SMARCB1: variants seen among roughly 807,000 people sequenced by gnomAD.
The protein encoded by SMARCB1 is SWI/SNF related BAF chromatin remodeling complex subunit B1, also known as SWI/SNF-related matrix-associated actin-dependent regulator of chromatin subfamily B member 1.
In SMARCB1, 5 loss-of-function variants were observed where a neutral mutation model predicts 49.0. The ratio of observed to expected loss-of-function variants is 0.10; its 90% CI spans 0.05 to 0.21. The LOEUF (loss-of-function observed/expected upper bound fraction) is 0.21. Among genes scored for constraint, SMARCB1 ranks in the 10% least tolerant of loss-of-function variants. The pLI is 1.00. For missense variants in SMARCB1, 226 were observed against 509.2 expected (o/e 0.44, Z 5.35); for synonymous variants, 201 against 200.1 (o/e 1.00, Z -0.04).
chr22:23,799,306 A>T (rs1461920029), intron 3 of SMARCB1, among the ~76,000 whole-genome samples: 5 of 144,378 alleles, frequency 3.5e-5, no homozygotes, highest in Non-Finnish European at 6.0e-5. Flanking sequence ...TCGAGATAGG[A>T]TGTTGCTCTC....
At chr22:23,808,431 A>AT (rs1000760221) in intron 5 of SMARCB1, among the ~76,000 whole-genome samples, 5 of 151,798 alleles carry the variant, frequency 3.3e-5, no homozygotes, top group African/African-American at 1.2e-4. Context: ...AATTTTTTGT[A>AT]TTTTTTAGTA....
intron 6 of SMARCB1, chr22:23,818,645 C>T (rs1290258295): frequency 6.6e-6 from 1 of 150,776 alleles, no homozygotes; most frequent in Non-Finnish European, 1.5e-5. Flanking sequence ...AACACTAACT[C>T]CCCATTCCCC....
intron 7 of SMARCB1, among the ~76,000 whole-genome samples, chr22:23,830,723 G>A (rs751459661): frequency 1.5e-5 from 2 of 132,402 alleles, no homozygotes; most frequent in African/African-American, 2.9e-5. Context: ...GTGTAGTGCT[G>A]TGATCTTGGC....
Position 23,837,847 on chromosome 22 carries a change from C to T in SMARCB1, c.*3667C>T. On this transcript the variant is annotated 3_prime_UTR_variant, in exon 9 of 9. Coordinates refer to ENST00000644036, the MANE Select transcript of SMARCB1 (RefSeq NM_003073.5). Reference sequence around the variant, plus strand: ...CAGGAAGAACAGGCTGCCCAGGAGTCCCAGCAGCTGGGCCAGAGTCAAGGT... The same window carrying T: ...CAGGAAGAACAGGCTGCCCAGGAGTTCCAGCAGCTGGGCCAGAGTCAAGGT... 1 of 1,611,462 alleles carries T rather than the reference C, an allele frequency of 6.2e-7. No homozygotes were observed. Among genetic ancestry groups the T allele is most frequent in the South Asian group, 1.1e-5 (1 of 90,968 alleles).
intron 4 of SMARCB1, chr22:23,802,838 C>T: frequency 3.2e-6 from 1 of 310,272 alleles, no homozygotes; most frequent in South Asian, 2.9e-5. Context: ...CACCCGCTAG[C>T]TTTGCAGCAT....
Position 23,827,179 on chromosome 22 carries a change from C to G in SMARCB1, c.986+1764C>G, listed in dbSNP as rs541663365. 3.9e-5 allele frequency among the ~76,000 whole-genome samples: 6 copies of G among 152,290 alleles called. No individual in the cohort carries two copies. The South Asian group carries it at 1.2e-3, about 32-fold the overall frequency. On this transcript the variant is annotated intron_variant, in intron 7 of 8. Transcript: ENST00000644036. ...AGTCAGAACCCTCGTCTTGGGCTCACAGGTGCAGGTGGTAGGCTGGCTGCC... is the reference window on the plus strand; with the variant it reads ...AGTCAGAACCCTCGTCTTGGGCTCAGAGGTGCAGGTGGTAGGCTGGCTGCC...
At chr22:23,796,222 T>C (rs964826297) in intron 3 of SMARCB1, among the ~76,000 whole-genome samples, 1 of 152,210 alleles carries the variant, frequency 6.6e-6, no homozygotes, top group Non-Finnish European at 1.5e-5. Context: ...ACCCACTATA[T>C]GTACAGAGAT....
chr22:23,836,350 G>A lies in SMARCB1; in HGVS notation c.*2170G>A. On this transcript the variant is annotated 3_prime_UTR_variant, in exon 9 of 9. Coordinates refer to ENST00000644036, the MANE Select transcript of SMARCB1 (RefSeq NM_003073.5). ...GGAGAGGCTAGATTGGCATCAGCCTGAAGGCACCACTGGCAGGAACATCTG... is the reference window on the plus strand; with the variant it reads ...GGAGAGGCTAGATTGGCATCAGCCTAAAGGCACCACTGGCAGGAACATCTG... 1 of 985,624 alleles carries A rather than the reference G, an allele frequency of 1.0e-6. No homozygotes were observed. The highest frequency in any genetic ancestry group is 1.2e-6 in the Non-Finnish European group (1 of 830,062). The allele number at this position is 985,624 out of a possible 1,614,324, so 61.1% of individuals were successfully genotyped here.
chr22:23,836,353 G>A lies in SMARCB1; in HGVS notation c.*2173G>A, dbSNP rs971840258. 4.1e-6 allele frequency: 4 copies of A among 985,642 alleles called. No individual in the cohort carries two copies. The highest frequency in any genetic ancestry group is 4.7e-5 in the South Asian group (1 of 21,294). The allele number at this position is 985,642 out of a possible 1,614,324, so 61.1% of individuals were successfully genotyped here. A position where few individuals can be genotyped will look rare whatever the true frequency, so the allele number is the denominator to read the frequency against. ...GAGGCTAGATTGGCATCAGCCTGAA[G>A]GCACCACTGGCAGGAACATCTGTAG... On this transcript the variant is annotated 3_prime_UTR_variant, in exon 9 of 9. Coordinates refer to ENST00000644036, the MANE Select transcript of SMARCB1 (RefSeq NM_003073.5).
At chr22:23,791,534 C>G (rs929306103) in intron 1 of SMARCB1, among the ~76,000 whole-genome samples, 1 of 152,210 alleles carries the variant, frequency 6.6e-6, no homozygotes, top group Non-Finnish European at 1.5e-5. Flanking sequence ...CCAGGCCTTT[C>G]GGAACTTGGT....
At chr22:23,799,903 C>T (rs1273702917) in intron 3 of SMARCB1, among the ~76,000 whole-genome samples, 1 of 152,250 alleles carries the variant, frequency 6.6e-6, no homozygotes, top group East Asian at 1.9e-4. Flanking sequence ...CCAGGCTGGT[C>T]TTGATCTCCT....
At chr22:23,811,469 C>T (rs1339421132) in intron 5 of SMARCB1, among the ~76,000 whole-genome samples, 1 of 152,186 alleles carries the variant, frequency 6.6e-6, no homozygotes, top group Non-Finnish European at 1.5e-5. Context: ...CAACATATAC[C>T]ATATAATCCG....
intron 6 of SMARCB1, among the ~76,000 whole-genome samples, chr22:23,820,543 C>T (rs2030029206): frequency 6.6e-6 from 1 of 152,210 alleles, no homozygotes; most frequent in African/African-American, 2.4e-5. Context: ...CACTGCAGTC[C>T]AGCCTGGCTG....
intron 4 of SMARCB1, 116 bp from the exon 5 acceptor site, chr22:23,803,179 C>A: frequency 1.5e-6 from 2 of 1,366,054 alleles, no homozygotes; most frequent in Non-Finnish European, 2.1e-6. Flanking sequence ...AGCTGACAAG[C>A]GGCCATCTTC....
chr22:23,792,073 TGGTGG>T, intron 2 of SMARCB1, 179 bp downstream of exon 2: 1 of 660,796 alleles, frequency 1.5e-6, no homozygotes, highest in Non-Finnish European at 2.7e-6. Flanking sequence ...AGGGAGCCAT[TGGTGG>T]TCCACTGTCA....
At chr22:23,814,139 G>A (rs1381003198) in intron 5 of SMARCB1, among the ~76,000 whole-genome samples, 1 of 151,606 alleles carries the variant, frequency 6.6e-6, no homozygotes, top group Non-Finnish European at 1.5e-5. Context: ...CAGCAATTTT[G>A]AAAAACAGTA....
At chr22:23,792,748 A>G (rs1410469013) in intron 2 of SMARCB1, 5 of 154,766 alleles carry the variant, frequency 3.2e-5, no homozygotes, top group African/African-American at 1.2e-4. Context: ...ATCTGCTGCT[A>G]TGACATTTCC....
At position 23,834,912 on chromosome 22, in the gene SMARCB1, G is replaced by A. The variant is rs1282003264; in HGVS notation, c.*732G>A. ...GATGGTCAGGCTACTGCCAGCTGGG[G>A]CCTTGCTGCTCTGAAGTCCCCTGCG... On this transcript the variant is annotated 3_prime_UTR_variant, in exon 9 of 9. Coordinates refer to ENST00000644036, the MANE Select transcript of SMARCB1 (RefSeq NM_003073.5). 1.9e-6 allele frequency: 3 copies of A among 1,610,948 alleles called. No homozygotes were observed. Among genetic ancestry groups the A allele is most frequent in the East Asian group, 2.2e-5 (1 of 44,902 alleles).
intron 3 of SMARCB1, among the ~76,000 whole-genome samples, chr22:23,799,829 C>T (rs1372134834): frequency 4.0e-5 from 6 of 151,770 alleles, no homozygotes; most frequent in East Asian, 1.9e-4. Context: ...GGACTGCAGG[C>T]GCCTGCCACC....
Sources: allele counts gnomAD v4.1 joint callset (sites outside exome capture counted in the v4.1 genomes callset), GRCh38; gene constraint gnomAD v4.1.1; transcripts MANE v1.5; gene names NCBI Gene and HGNC (gene_info 2026-07-23, HGNC 2026-07-21).